The following AKAP19 variants were observed in gnomAD, a reference collection of about 807,000 sequenced individuals.
AKAP19 encodes the protein small A-kinase anchoring protein.
chr2:190,120,295 C>T, the AKAP19 span, among the ~76,000 whole-genome samples: 1 of 152,188 alleles, frequency 6.6e-6, no homozygotes, highest in East Asian at 1.9e-4. Context: ...AAACTAACCA[C>T]CCCACTGCCC....
chr2:190,126,914 T>A, the AKAP19 span, among the ~76,000 whole-genome samples: 2 of 151,954 alleles, frequency 1.3e-5, no homozygotes, highest in African/African-American at 4.8e-5. Context: ...ACACACACAC[T>A]CTCCTCAAGT....
the AKAP19 span, among the ~76,000 whole-genome samples, chr2:189,913,993 A>T: frequency 6.6e-6 from 1 of 152,184 alleles, no homozygotes; most frequent in African/African-American, 2.4e-5. Flanking sequence ...AGTAACTTTT[A>T]TGTAAAATGC....
At chr2:189,910,379 A>G in the AKAP19 span, among the ~76,000 whole-genome samples, 1 of 151,962 alleles carries the variant, frequency 6.6e-6, no homozygotes, top group Non-Finnish European at 1.5e-5. Context: ...TTTTGGCTTC[A>G]CAGTATCACA....
At chr2:190,082,801 A>G in the AKAP19 span, among the ~76,000 whole-genome samples, 3 of 152,242 alleles carry the variant, frequency 2.0e-5, no homozygotes, top group African/African-American at 7.2e-5. Context: ...AGGTATATCC[A>G]ATTCTAAACC....
chr2:189,881,079 A>G, the AKAP19 span, among the ~76,000 whole-genome samples: 2 of 152,360 alleles, frequency 1.3e-5, no homozygotes, highest in Admixed American at 6.5e-5. Flanking sequence ...TTAAATGTTT[A>G]TATTACTGTA....
chr2:190,027,673 C>A, the AKAP19 span, among the ~76,000 whole-genome samples: 11 of 152,086 alleles, frequency 7.2e-5, no homozygotes, highest in African/African-American at 2.7e-4. Context: ...TGTAGATAAT[C>A]CTGGAATGTA....
chr2:190,171,918 C>T, the AKAP19 span, among the ~76,000 whole-genome samples: 2 of 152,118 alleles, frequency 1.3e-5, no homozygotes, highest in East Asian at 1.9e-4. Flanking sequence ...GATCTCTACC[C>T]ACATGTTCAG....
chr2:189,940,253 T>G, the AKAP19 span, among the ~76,000 whole-genome samples: 6 of 145,838 alleles, frequency 4.1e-5, no homozygotes, highest in Admixed American at 1.4e-4. Context: ...CACTCTGGCT[T>G]GGGCGACAGA....
At chr2:190,046,279 TG>T in the AKAP19 span, among the ~76,000 whole-genome samples, 2 of 151,888 alleles carry the variant, frequency 1.3e-5, no homozygotes, top group Non-Finnish European at 2.9e-5. Context: ...CTCTGTGATT[TG>T]TTTTTTTTTT....
chr2:190,164,878 G>A, the AKAP19 span, among the ~76,000 whole-genome samples: 53,024 of 152,060 alleles, frequency 0.35, 9,706 homozygotes, highest in African/African-American at 0.44. Flanking sequence ...GGGAGCTACT[G>A]TAAATACAGA....
At chr2:190,121,904 G>GTTTT in the AKAP19 span, among the ~76,000 whole-genome samples, 1 of 152,056 alleles carries the variant, frequency 6.6e-6, no homozygotes, top group Non-Finnish European at 1.5e-5. Context: ...TTGTTTGTTT[G>GTTTT]TTTGTTTTAA....
the AKAP19 span, chr2:190,057,577 A>C: frequency 1.2e-6 from 2 of 1,613,404 alleles, no homozygotes; most frequent in African/African-American, 2.7e-5. Flanking sequence ...ATCACAGTCA[A>C]GACCAAAATC....
the AKAP19 span, among the ~76,000 whole-genome samples, chr2:189,898,153 G>A: frequency 6.6e-6 from 1 of 150,964 alleles, no homozygotes; most frequent in Non-Finnish European, 1.5e-5. Flanking sequence ...AGAGAACTGT[G>A]ATCATGCCAG....
chr2:189,942,548 C>T, the AKAP19 span, among the ~76,000 whole-genome samples: 3 of 152,296 alleles, frequency 2.0e-5, no homozygotes, highest in African/African-American at 7.2e-5. Context: ...GAAACAACTT[C>T]AGAACTAGGT....
chr2:190,098,136 C>T, the AKAP19 span, among the ~76,000 whole-genome samples: 1,438 of 152,190 alleles, frequency 9.4e-3, 25 homozygotes, highest in African/African-American at 0.033. Context: ...AATGGCATCT[C>T]GAATGGTGAA....
At chr2:190,110,741 T>C in the AKAP19 span, among the ~76,000 whole-genome samples, 41 of 152,298 alleles carry the variant, frequency 2.7e-4, no homozygotes, top group African/African-American at 9.9e-4. Flanking sequence ...CAGTGATACA[T>C]AGGAAGATAA....
At chr2:190,019,383 C>T in the AKAP19 span, among the ~76,000 whole-genome samples, 1 of 152,082 alleles carries the variant, frequency 6.6e-6, no homozygotes, top group African/African-American at 2.4e-5. Flanking sequence ...GTCTTTCTCT[C>T]TGGGTGGGGC....
chr2:189,879,617 C>G, the AKAP19 span: 54 of 152,420 alleles, frequency 3.5e-4, no homozygotes, highest in Non-Finnish European at 5.7e-4. Flanking sequence ...CCAGCACCAC[C>G]CGCGGGACCA....
chr2:190,143,129 T>G, the AKAP19 span, among the ~76,000 whole-genome samples: 139,426 of 152,012 alleles, frequency 0.92, 64,709 homozygotes, highest in East Asian at 1. Flanking sequence ...CCAGTGCCAT[T>G]TTGGGTCCAG....
Sources: allele counts gnomAD v4.1 joint callset (sites outside exome capture counted in the v4.1 genomes callset), GRCh38; gene constraint gnomAD v4.1.1; transcripts MANE v1.5; gene names NCBI Gene and HGNC (gene_info 2026-07-23, HGNC 2026-07-21).